Variants in MEGF10 observed in about 807,000 individuals in gnomAD.
MEGF10 encodes the protein multiple epidermal growth factor-like domains protein 10.
A neutral mutation model predicts 147.5 loss-of-function variants in MEGF10; 86 were observed. The ratio of observed to expected loss-of-function variants is 0.58; its 90% CI spans 0.49 to 0.70. The LOEUF (loss-of-function observed/expected upper bound fraction) is 0.70, where lower values mean the gene tolerates loss of function less well. MEGF10 is among the 30% of genes least tolerant of loss of function. The probability of loss-of-function intolerance (pLI) is 0.00; values close to 1 mark genes in which losing one functional copy is unlikely to be tolerated. For missense variants in MEGF10, 1,329 were observed against 1,487.3 expected (o/e 0.89, Z 1.75); for synonymous variants, 478 against 525.5 (o/e 0.91, Z 1.24).
intron 4 of MEGF10, among the ~76,000 whole-genome samples, chr5:127,360,988 T>C (rs1351868607): frequency 1.3e-5 from 2 of 152,032 alleles, no homozygotes; most frequent in Admixed American, 1.3e-4. Context: ...GTGATACTTG[T>C]TTGTAGTTTG....
chr5:127,288,103 A>C (rs1759087029), upstream of MEGF10, among the ~76,000 whole-genome samples: 1 of 152,082 alleles, frequency 6.6e-6, no homozygotes, highest in Admixed American at 6.5e-5. Flanking sequence ...GTTAACATCA[A>C]ATAGATTGTA....
intron 1 of MEGF10, among the ~76,000 whole-genome samples, chr5:127,304,686 G>C (rs1759933457): frequency 6.6e-6 from 1 of 152,126 alleles, no homozygotes; most frequent in Admixed American, 6.5e-5. Flanking sequence ...GTAGAGACAG[G>C]GTTTTGCCAT....
intron 5 of MEGF10, among the ~76,000 whole-genome samples, chr5:127,391,546 G>C (rs1763695096): frequency 6.6e-6 from 1 of 151,130 alleles, no homozygotes; most frequent in Non-Finnish European, 1.5e-5. Flanking sequence ...CTCCAGCCTG[G>C]GTGACAGAGT....
intron 22 of MEGF10, among the ~76,000 whole-genome samples, chr5:127,451,192 G>T (rs116372954): frequency 6.6e-6 from 1 of 152,330 alleles, no homozygotes; most frequent in African/African-American, 2.4e-5. Flanking sequence ...GGTAAAGCCA[G>T]ATTTCAAAGT....
Position 127,455,461 on chromosome 5 carries a change from C to T in MEGF10, c.3086C>T (p.Pro1029Leu), listed in dbSNP as rs139251235. 3.0e-5 allele frequency: 49 copies of T among 1,613,966 alleles called. No individual in the cohort carries two copies. Among genetic ancestry groups the T allele is most frequent in the Non-Finnish European group, 4.1e-5 (48 of 1,180,008 alleles). Residue 1029 changes from proline (P) to leucine (L), a missense_variant, in exon 24 of 25, where the codon CCA becomes CTA. Pro to Leu is a moderately conservative substitution (Grantham distance 98). Coordinates refer to ENST00000503335, the MANE Select transcript of MEGF10 (RefSeq NM_001256545.2). ...SNCSLSSSEN[P>L]YATIKDPPVL... ...TGCTCCCTAAGCAGTTCTGAGAACCCATATGCCACTATTAAAGACCCACCT... is the reference window on the plus strand; with the variant it reads ...TGCTCCCTAAGCAGTTCTGAGAACCTATATGCCACTATTAAAGACCCACCT...
intron 5 of MEGF10, among the ~76,000 whole-genome samples, chr5:127,394,152 C>T (rs1369532837): frequency 6.6e-6 from 1 of 151,938 alleles, no homozygotes; most frequent in East Asian, 1.9e-4. Flanking sequence ...TTTTGTTGGT[C>T]AACTAATTCT....
chr5:127,357,789 A>G (rs1056528889), intron 4 of MEGF10, among the ~76,000 whole-genome samples: 2 of 152,100 alleles, frequency 1.3e-5, no homozygotes, highest in Non-Finnish European at 2.9e-5. Context: ...ATTTTAAACA[A>G]TTTTAACTTA....
At chr5:127,315,772 TTAAAAA>T (rs1760520561) in intron 1 of MEGF10, among the ~76,000 whole-genome samples, 1 of 152,146 alleles carries the variant, frequency 6.6e-6, no homozygotes, top group Non-Finnish European at 1.5e-5. Context: ...AGACCCTGTC[TTAAAAA>T]AACAAACCAA....
chr5:127,440,960 A>C, intron 18 of MEGF10, 93 bp downstream of exon 18: 1 of 1,499,512 alleles, frequency 6.7e-7, no homozygotes, highest in Non-Finnish European at 9.0e-7. Context: ...AGAATTCACC[A>C]CTCCGAGGTT....
At chr5:127,242,758 A>G in the MEGF10 span, among the ~76,000 whole-genome samples, 1 of 152,218 alleles carries the variant, frequency 6.6e-6, no homozygotes, top group Non-Finnish European at 1.5e-5. Context: ...TATTTTCCAC[A>G]GACATTTAAA....
the MEGF10 span, among the ~76,000 whole-genome samples, chr5:127,269,957 A>G: frequency 1.3e-5 from 2 of 150,784 alleles, no homozygotes; most frequent in Non-Finnish European, 3.0e-5. Flanking sequence ...AATTTTCAAC[A>G]CAGAATTTCA....
the MEGF10 span, among the ~76,000 whole-genome samples, chr5:127,265,652 G>A: frequency 2.6e-5 from 4 of 152,104 alleles, no homozygotes; most frequent in African/African-American, 9.7e-5. Flanking sequence ...GTTTTGATTT[G>A]CATTTCTCTG....
chr5:127,370,581 G>C (rs1357870086), intron 5 of MEGF10, among the ~76,000 whole-genome samples: 6 of 152,062 alleles, frequency 3.9e-5, no homozygotes, highest in African/African-American at 1.2e-4. Context: ...TCCTAACATA[G>C]TATATAATTT....
intron 4 of MEGF10, among the ~76,000 whole-genome samples, chr5:127,361,073 T>G (rs1762455321): frequency 6.6e-6 from 1 of 151,996 alleles, no homozygotes; most frequent in Non-Finnish European, 1.5e-5. Context: ...AGCTGGGAAG[T>G]AGTCTCTGGC....
intron 5 of MEGF10, among the ~76,000 whole-genome samples, chr5:127,373,125 G>A (rs1326622661): frequency 5.3e-5 from 8 of 152,054 alleles, no homozygotes; most frequent in Non-Finnish European, 1.2e-4. Flanking sequence ...TTGTTGCCCA[G>A]GTCATTCCAG....
chr5:127,261,177 A>G, the MEGF10 span, among the ~76,000 whole-genome samples: 3 of 152,190 alleles, frequency 2.0e-5, no homozygotes, highest in African/African-American at 7.2e-5. Context: ...TGAATTCATC[A>G]CCACTATAAA....
intron 5 of MEGF10, among the ~76,000 whole-genome samples, chr5:127,382,888 A>G (rs1251238432): frequency 6.6e-6 from 1 of 152,234 alleles, no homozygotes; most frequent in African/African-American, 2.4e-5. Flanking sequence ...TAAAGAAACA[A>G]GATGTCATTT....
chr5:127,294,827 AATAATAAT>A (rs1230869317), intron 1 of MEGF10, among the ~76,000 whole-genome samples: 4 of 145,256 alleles, frequency 2.8e-5, no homozygotes, highest in Non-Finnish European at 4.5e-5. Context: ...TAATAATAAT[AATAATAAT>A]AAATAACTTG....
At chr5:127,247,551 T>C in the MEGF10 span, among the ~76,000 whole-genome samples, 1 of 152,008 alleles carries the variant, frequency 6.6e-6, no homozygotes, top group Non-Finnish European at 1.5e-5. Flanking sequence ...GATTTATCTA[T>C]GCAACTTTAT....
Sources: gnomAD v4.1 joint callset for allele counts (sites outside exome capture counted in the v4.1 genomes callset) on GRCh38, gnomAD v4.1.1 for gene constraint, MANE v1.5 for transcripts, NCBI Gene and HGNC (gene_info 2026-07-23, HGNC 2026-07-21) for gene names.